Variants in HCRTR2 observed in about 807,000 individuals in gnomAD.
HCRTR2 encodes the protein orexin receptor type 2.
HCRTR2 carries 22 observed loss-of-function variants against 49.0 expected under a neutral mutation model. The observed-to-expected ratio is 0.45, with a 90% CI of 0.32 to 0.64. HCRTR2 has a LOEUF of 0.64. HCRTR2 is among the 30% of genes least tolerant of loss of function. The pLI is 0.04. For synonymous variants in HCRTR2, 236 were observed against 205.3 expected (o/e 1.15, Z -1.28); for missense variants, 491 against 559.4 (o/e 0.88, Z 1.23).
upstream of HCRTR2, among the ~76,000 whole-genome samples, chr6:55,169,596 T>C (rs146079056): frequency 4.4e-3 from 663 of 152,230 alleles, 6 homozygotes; most frequent in African/African-American, 0.015. Flanking sequence ...CATATTGTTT[T>C]TTAAATGTAG....
chr6:55,277,350 G>A (rs1767095442), intron 4 of HCRTR2, 30 bp from the exon 5 acceptor site: 1 of 1,560,444 alleles, frequency 6.4e-7, no homozygotes, highest in East Asian at 2.2e-5. Context: ...AAGTCAAATT[G>A]CAATAAGGGT....
intron 1 of HCRTR2, among the ~76,000 whole-genome samples, chr6:55,241,808 T>A (rs1410715334): frequency 1.3e-5 from 2 of 151,802 alleles, no homozygotes; most frequent in East Asian, 3.9e-4. Flanking sequence ...GGGACATCAT[T>A]ATTAGTTCAA....
intron 1 of HCRTR2, among the ~76,000 whole-genome samples, chr6:55,151,268 C>T (rs115453218): frequency 0.03 from 4,514 of 151,916 alleles, 91 homozygotes; most frequent in Non-Finnish European, 0.036. Flanking sequence ...CAATGCTGAC[C>T]GATACTATTT....
intron 1 of HCRTR2, among the ~76,000 whole-genome samples, chr6:55,198,701 C>T (rs1158303893): frequency 3.3e-5 from 5 of 152,164 alleles, no homozygotes; most frequent in Non-Finnish European, 7.4e-5. Flanking sequence ...AATGATAAAA[C>T]ACTGAAAATT....
At chr6:55,235,252 A>G (rs2127301776) in intron 1 of HCRTR2, among the ~76,000 whole-genome samples, 1 of 152,208 alleles carries the variant, frequency 6.6e-6, no homozygotes, top group Admixed American at 6.5e-5. Flanking sequence ...TCTGAATAGT[A>G]GTTACAAGGG....
intron 1 of HCRTR2, among the ~76,000 whole-genome samples, chr6:55,148,065 G>T (rs1764618125): frequency 6.6e-6 from 1 of 152,102 alleles, no homozygotes; most frequent in Non-Finnish European, 1.5e-5. Flanking sequence ...TTTTTCAATA[G>T]AAACTAATGT....
chr6:55,260,587 T>A (rs1766736123), intron 3 of HCRTR2, among the ~76,000 whole-genome samples: 1 of 152,138 alleles, frequency 6.6e-6, no homozygotes, highest in Non-Finnish European at 1.5e-5. Context: ...CTCTTAGACC[T>A]GCCAACACAT....
chr6:55,200,835 A>T lies in HCRTR2; in HGVS notation c.223+26025A>T, dbSNP rs75759303. Among the ~76,000 whole-genome samples the T allele has an allele frequency of 7.7e-3, 1,176 of 152,192 alleles. 9 individuals carry two copies. The highest frequency in any genetic ancestry group is 0.027 in the African/African-American group (1,103 of 41,534). ...GCATGTTCTTTAATTCTGTTTAGAT[A>T]TTTAGAAAGTATTTGTTGTTATTCT... is the stretch of plus-strand genomic sequence containing the variant. On this transcript the variant is annotated intron_variant, in intron 1 of 6. Coordinates refer to ENST00000370862, the MANE Select transcript of HCRTR2 (RefSeq NM_001384272.1).
chr6:55,149,428 AG>A (rs1764635679), intron 1 of HCRTR2, among the ~76,000 whole-genome samples: 1 of 152,098 alleles, frequency 6.6e-6, no homozygotes, highest in South Asian at 2.1e-4. Context: ...GTGGGTAAAA[AG>A]TGAGGTGAGC....
chr6:55,183,823 G>A (rs1765172506), intron 1 of HCRTR2, among the ~76,000 whole-genome samples: 1 of 152,058 alleles, frequency 6.6e-6, no homozygotes, highest in Admixed American at 6.6e-5. Context: ...GTGAGAAAAC[G>A]AAGGAAAAAC....
At chr6:55,246,872 T>G (rs1766454954) in intron 1 of HCRTR2, among the ~76,000 whole-genome samples, 1 of 152,096 alleles carries the variant, frequency 6.6e-6, no homozygotes, top group Non-Finnish European at 1.5e-5. Flanking sequence ...GAAGTGCTTT[T>G]GAACATATAT....
At chr6:55,195,824 C>A (rs764345853) in intron 1 of HCRTR2, among the ~76,000 whole-genome samples, 3 of 151,786 alleles carry the variant, frequency 2.0e-5, no homozygotes, top group Non-Finnish European at 4.4e-5. Context: ...AAAAATTAGC[C>A]GGGTGTGGTG....
rs186490996 is a variant in HCRTR2 at position 55,208,001 on chromosome 6, G to A, written c.223+33191G>A. On this transcript the variant is annotated intron_variant, in intron 1 of 6. Coordinates refer to ENST00000370862, the MANE Select transcript of HCRTR2 (RefSeq NM_001384272.1). ...TTTTTTGTTTTAGTATCTCTTCCTTGGAACTAGCTGAGCTTTAATGGCATC... is the reference window on the plus strand; with the variant it reads ...TTTTTTGTTTTAGTATCTCTTCCTTAGAACTAGCTGAGCTTTAATGGCATC... Among the ~76,000 whole-genome samples, 108 of 152,120 alleles carry A rather than the reference G, an allele frequency of 7.1e-4. 3 individuals are homozygous for A. In the South Asian group the frequency reaches 0.017, roughly 24 times the overall value.
chr6:55,107,597 A>G (rs1423478144), intron 1 of HCRTR2, among the ~76,000 whole-genome samples: 1 of 152,170 alleles, frequency 6.6e-6, no homozygotes, highest in Non-Finnish European at 1.5e-5. Context: ...ATATTTTAAA[A>G]GGTCTAATCT....
chr6:55,236,822 C>T (rs1384270090), intron 1 of HCRTR2, among the ~76,000 whole-genome samples: 1 of 151,988 alleles, frequency 6.6e-6, no homozygotes, highest in Non-Finnish European at 1.5e-5. Flanking sequence ...CTTCTTATAT[C>T]TACAAATATA....
intron 2 of HCRTR2, among the ~76,000 whole-genome samples, chr6:55,251,944 C>T (rs1766559071): frequency 6.6e-6 from 1 of 151,986 alleles, no homozygotes; most frequent in South Asian, 2.1e-4. Flanking sequence ...CAAACTTGAG[C>T]TAATATCAGA....
Position 55,175,760 on chromosome 6 carries a change from A to T in HCRTR2, c.223+950A>T, listed in dbSNP as rs1445898563. 3.3e-5 allele frequency among the ~76,000 whole-genome samples: 5 copies of T among 152,020 alleles called. No homozygotes were observed. The South Asian group carries it at 1.0e-3, about 32-fold the overall frequency. On this transcript the variant is annotated intron_variant, in intron 1 of 6. Transcript: ENST00000370862. ...GGTGAGTGCGATGATGGAATGTATT[A>T]GGGCAGTTGGGGAATATACCTCCAG...
intron 1 of HCRTR2, among the ~76,000 whole-genome samples, chr6:55,234,356 CACAT>C (rs1354247153): frequency 3.9e-5 from 6 of 152,032 alleles, no homozygotes; most frequent in African/African-American, 1.4e-4. Context: ...TGTAAAATGA[CACAT>C]ACAATTTAAG....
intron 1 of HCRTR2, among the ~76,000 whole-genome samples, chr6:55,201,347 T>C (rs1765510313): frequency 6.6e-6 from 1 of 152,128 alleles, no homozygotes; most frequent in African/African-American, 2.4e-5. Context: ...TGTTCTCTTT[T>C]CTCTGCTTGT....
Sources: gnomAD v4.1 joint callset for allele counts (sites outside exome capture counted in the v4.1 genomes callset) on GRCh38, gnomAD v4.1.1 for gene constraint, MANE v1.5 for transcripts, NCBI Gene and HGNC (gene_info 2026-07-23, HGNC 2026-07-21) for gene names.